Variants in PDE3A observed in about 807,000 individuals in gnomAD.
PDE3A encodes phosphodiesterase 3A, also known as cGMP-inhibited 3',5'-cyclic phosphodiesterase 3A.
In PDE3A, 43 loss-of-function variants were observed where a neutral mutation model predicts 98.3. That is an observed-to-expected ratio of 0.44 (90% CI 0.34 to 0.56). The LOEUF (loss-of-function observed/expected upper bound fraction) is 0.56, where lower values mean the gene tolerates loss of function less well. Among genes scored for constraint, PDE3A ranks in the 20% least tolerant of loss-of-function variants. The pLI is 0.01. For synonymous variants in PDE3A, 663 were observed against 567.9 expected (o/e 1.17, Z -2.38); for missense variants, 1,427 against 1,440.7 (o/e 0.99, Z 0.15).
intron 2 of PDE3A, among the ~76,000 whole-genome samples, chr12:20,609,904 A>G (rs1473368459): frequency 6.6e-6 from 1 of 150,806 alleles, no homozygotes; most frequent in Non-Finnish European, 1.5e-5. Context: ...AACTCAAAAT[A>G]CGTAAAGACT....
intron 1 of PDE3A, among the ~76,000 whole-genome samples, chr12:20,531,543 G>T (rs542990811): frequency 6.6e-6 from 1 of 151,986 alleles, no homozygotes; most frequent in African/African-American, 2.4e-5. Context: ...TGGGTAAGAC[G>T]GTAGTTGTGA....
intron 1 of PDE3A, among the ~76,000 whole-genome samples, chr12:20,448,784 T>TTA (rs1945007998): frequency 6.7e-6 from 1 of 148,386 alleles, no homozygotes; most frequent in Non-Finnish European, 1.5e-5. Flanking sequence ...GAGTCTTGCT[T>TTA]TATTGCCCTG....
chr12:20,544,924 T>C (rs916302570), intron 1 of PDE3A, among the ~76,000 whole-genome samples: 4 of 151,982 alleles, frequency 2.6e-5, no homozygotes, highest in African/African-American at 9.7e-5. Flanking sequence ...TTCATCTGAG[T>C]TCCTTTAAAA....
intron 13 of PDE3A, 89 bp downstream of exon 13, chr12:20,648,980 C>G: frequency 1.3e-6 from 1 of 791,050 alleles, no homozygotes; most frequent in African/African-American, 1.9e-5. Flanking sequence ...GACTGGAGTG[C>G]AGTGGCACGA....
chr12:20,556,809 A>G, intron 2 of PDE3A, 99 bp downstream of exon 2: 1 of 852,470 alleles, frequency 1.2e-6, no homozygotes, highest in Non-Finnish European at 2.0e-6. Context: ...GGAGCGAGGA[A>G]GAGGCAAAAT....
At chr12:20,648,961 T>C (rs1400535711) in intron 13 of PDE3A, 70 bp downstream of exon 13, 1 of 994,044 alleles carries the variant, frequency 1.0e-6, no homozygotes, top group Non-Finnish European at 1.5e-6. Context: ...AGTCTTGCTC[T>C]GTCGCCCAGA....
At chr12:20,532,788 A>C (rs1941641142) in intron 1 of PDE3A, among the ~76,000 whole-genome samples, 1 of 148,836 alleles carries the variant, frequency 6.7e-6, no homozygotes, top group African/African-American at 2.5e-5. Flanking sequence ...TCCCGGGTTC[A>C]CGCCATTCTC....
intron 1 of PDE3A, among the ~76,000 whole-genome samples, chr12:20,486,468 A>C (rs1217494989): frequency 2.6e-5 from 4 of 152,176 alleles, no homozygotes; most frequent in Non-Finnish European, 2.9e-5. Flanking sequence ...TGAGATTTTG[A>C]GTGGGGACAC....
chr12:20,616,796 C>T (rs563401664), intron 4 of PDE3A, among the ~76,000 whole-genome samples: 13 of 152,074 alleles, frequency 8.5e-5, no homozygotes, highest in Non-Finnish European at 1.8e-4. Context: ...GCTGTCTTAG[C>T]GTTGTACAAA....
At chr12:20,386,038 TA>T (rs1464073922) in intron 1 of PDE3A, among the ~76,000 whole-genome samples, 87 of 80,304 alleles carry the variant, frequency 1.1e-3, no homozygotes, top group East Asian at 8.2e-3. Flanking sequence ...TAAATATATA[TA>T]AAATATATAT....
At position 20,585,641 on chromosome 12, in the gene PDE3A, A is replaced by G. The variant is rs569407614; in HGVS notation, c.1012-27802A>G. Among the ~76,000 whole-genome samples, 186 of 102,370 alleles carry G rather than the reference A, an allele frequency of 1.8e-3. 1 individual carries two copies. In the East Asian group the frequency reaches 0.043, roughly 24 times the overall value. 67.2% of individuals were successfully genotyped at this position (102,370 alleles called of 152,430 possible). ...CTCACTTATCAAGCTTTTGTTCATT[A>G]TTAAATGAGATAATTTGTGAAAATG... On this transcript the variant is annotated intron_variant, in intron 2 of 15. Coordinates refer to ENST00000359062, the MANE Select transcript of PDE3A (RefSeq NM_000921.5).
At chr12:20,612,794 T>C (rs1223082738) in intron 2 of PDE3A, among the ~76,000 whole-genome samples, 2 of 151,390 alleles carry the variant, frequency 1.3e-5, no homozygotes, top group East Asian at 3.9e-4. Flanking sequence ...TCTTCGTTTC[T>C]GCTGTGAGGA....
chr12:20,547,744 A>T (rs949724541), intron 1 of PDE3A, among the ~76,000 whole-genome samples: 10 of 152,072 alleles, frequency 6.6e-5, no homozygotes, highest in Admixed American at 2.0e-4. Context: ...GTTGTGGTGA[A>T]TTTTTTCTCC....
intron 1 of PDE3A, 72 bp from the exon 2 acceptor site, chr12:20,556,588 T>A (rs2121271214): frequency 1.0e-6 from 1 of 999,876 alleles, no homozygotes; most frequent in East Asian, 2.5e-5. Flanking sequence ...CTGATTATTC[T>A]TTAAAATAAA....
intron 2 of PDE3A, among the ~76,000 whole-genome samples, chr12:20,579,664 C>G (rs1044173613): frequency 1.3e-5 from 2 of 152,116 alleles, no homozygotes; most frequent in Non-Finnish European, 2.9e-5. Flanking sequence ...GCTCTCAGGC[C>G]CCTCCCCTAT....
intron 1 of PDE3A, among the ~76,000 whole-genome samples, chr12:20,388,963 TA>T (rs1338552900): frequency 6.6e-6 from 1 of 152,012 alleles, no homozygotes; most frequent in East Asian, 1.9e-4. Flanking sequence ...TTTGCAGAAA[TA>T]AATTTGAGAA....
chr12:20,551,863 A>G (rs1040123218), intron 1 of PDE3A: 2 of 1,613,774 alleles, frequency 1.2e-6, no homozygotes, highest in Non-Finnish European at 1.7e-6. Context: ...GGAATGTACC[A>G]TCATCCCGTC....
intron 1 of PDE3A, among the ~76,000 whole-genome samples, chr12:20,496,280 C>T (rs923162591): frequency 1.3e-4 from 20 of 152,126 alleles, no homozygotes; most frequent in African/African-American, 4.8e-4. Flanking sequence ...GCTCAAAAAC[C>T]TGCTATTATT....
At chr12:20,559,396 G>C (rs2121279285) in intron 2 of PDE3A, among the ~76,000 whole-genome samples, 2 of 151,694 alleles carry the variant, frequency 1.3e-5, no homozygotes, top group Non-Finnish European at 2.9e-5. Flanking sequence ...TATATATATT[G>C]GGAGGCCGAG....
Sources: allele counts gnomAD v4.1 joint callset (sites outside exome capture counted in the v4.1 genomes callset), GRCh38; gene constraint gnomAD v4.1.1; transcripts MANE v1.5; gene names NCBI Gene and HGNC (gene_info 2026-07-23, HGNC 2026-07-21).